Variants in CNTNAP2 observed in about 807,000 individuals in gnomAD.
CNTNAP2 encodes the protein contactin-associated protein-like 2.
Under a neutral mutation model 155.2 loss-of-function variants are expected in CNTNAP2, and 98 were observed. That is an observed-to-expected ratio of 0.63 (90% confidence interval 0.54 to 0.75). CNTNAP2 has a LOEUF of 0.75. Among genes scored for constraint, CNTNAP2 ranks in the 30% least tolerant of loss-of-function variants. The pLI, the probability that CNTNAP2 is intolerant of heterozygous loss-of-function variation, is 0.00. For missense variants in CNTNAP2, 1,727 were observed against 1,688.1 expected, an observed-to-expected ratio of 1.02 and a Z score of -0.40; for synonymous variants, 651 against 631.2, an observed-to-expected ratio of 1.03 and a Z score of -0.47.
intron 1 of CNTNAP2, among the ~76,000 whole-genome samples, chr7:146,524,013 C>G (rs1299864982): frequency 6.6e-6 from 1 of 152,100 alleles, no homozygotes; most frequent in Non-Finnish European, 1.5e-5. Context: ...TCCCAGTAAG[C>G]TAAATTCCAG....
chr7:147,348,922 C>T (rs1457453272), intron 9 of CNTNAP2, among the ~76,000 whole-genome samples: 1 of 151,856 alleles, frequency 6.6e-6, no homozygotes, highest in East Asian at 1.9e-4. Flanking sequence ...CTCATAAGTG[C>T]AAGCTTAAAA....
intron 3 of CNTNAP2, among the ~76,000 whole-genome samples, chr7:146,916,453 C>G (rs1194058068): frequency 6.6e-6 from 1 of 151,996 alleles, no homozygotes; most frequent in Non-Finnish European, 1.5e-5. Context: ...CTATCTGGTC[C>G]TGGACTTTTG....
chr7:146,858,686 T>G (rs1479435832), intron 3 of CNTNAP2, among the ~76,000 whole-genome samples: 4 of 152,138 alleles, frequency 2.6e-5, no homozygotes, highest in Non-Finnish European at 5.9e-5. Context: ...CAGAGTGAGA[T>G]CCTGTCTCAA....
rs746721689 is a variant in CNTNAP2 at position 147,485,971 on chromosome 7, C to T, written c.1707C>T (p.Cys569=). The T allele has an allele frequency of 3.1e-6, 5 of 1,614,068 alleles. No homozygotes were observed. Among genetic ancestry groups the T allele is most frequent in the Non-Finnish European group, 3.4e-6 (4 of 1,179,992 alleles). ...ATCACTGTGAGCATGGTGGAAAGTG[C>T]TCGCAAACATGGGACAGCTTCAAAT... ...VPNHCEHGGK[C]SQTWDSFKCT... The change falls in exon 11 of 24, where the codon TGC becomes TGT. Residue 569 remains cysteine, a synonymous_variant. Transcript: ENST00000361727.
At chr7:146,614,650 G>A (rs1338167362) in intron 1 of CNTNAP2, among the ~76,000 whole-genome samples, 1 of 152,194 alleles carries the variant, frequency 6.6e-6, no homozygotes, top group Non-Finnish European at 1.5e-5. Context: ...TGTTGTGCTT[G>A]CAATCTGTTT....
intron 2 of CNTNAP2, among the ~76,000 whole-genome samples, chr7:146,805,910 C>T (rs971707194): frequency 6.6e-6 from 1 of 152,046 alleles, no homozygotes; most frequent in African/African-American, 2.4e-5. Flanking sequence ...TTTAAAGAAA[C>T]CATAGCTGGC....
In CNTNAP2 at chr7:148,118,254, G is replaced by A. The variant is rs779395215; in HGVS notation, c.2520G>A (p.Met840Ile). The change falls in exon 16 of 24, where the codon ATG (methionine) becomes ATA (isoleucine). Residue 840 changes from methionine (M) to isoleucine (I), a missense_variant. Coordinates refer to ENST00000361727, the MANE Select transcript of CNTNAP2 (RefSeq NM_014141.6). The stretch of plus-strand genomic sequence containing the variant: ...CCTGGGGAGTGTTTCTTGAAAATAT[G>A]GGAAAGGAAGATTTCATCAAGCTGG... ...LTPWGVFLEN[M>I]GKEDFIKLEL... The A allele has an allele frequency of 3.7e-6, 6 of 1,614,098 alleles. No individual in the cohort carries two copies. The Admixed American group carries it at 8.3e-5, about 22-fold the overall frequency.
chr7:147,493,397 T>C (rs1798642672), intron 11 of CNTNAP2, among the ~76,000 whole-genome samples: 1 of 152,158 alleles, frequency 6.6e-6, no homozygotes, highest in South Asian at 2.1e-4. Context: ...CACACCATGA[T>C]CTGTGTCAGA....
Position 146,935,288 on chromosome 7 carries a change from G to T in CNTNAP2, c.402+95384G>T, listed in dbSNP as rs528226647. On this transcript the variant is annotated intron_variant, in intron 3 of 23. Transcript: ENST00000361727. ...CAATAGAAATGAAAAGAGGTCTTCT[G>T]TGTGCACTTACTGGGTATACTTTTA... Among the ~76,000 whole-genome samples, 8 of 152,276 alleles carry T rather than the reference G, an allele frequency of 5.3e-5. No individual in the cohort carries two copies. In the South Asian group the frequency reaches 8.3e-4, roughly 16 times the overall value.
chr7:147,407,864 A>T (rs1467626364), intron 10 of CNTNAP2, among the ~76,000 whole-genome samples: 1 of 152,206 alleles, frequency 6.6e-6, no homozygotes, highest in Non-Finnish European at 1.5e-5. Context: ...GGATGATGAG[A>T]AAGAAAGGCA....
At chr7:147,857,347 C>G (rs1799056583) in intron 13 of CNTNAP2, among the ~76,000 whole-genome samples, 1 of 152,070 alleles carries the variant, frequency 6.6e-6, no homozygotes, top group African/African-American at 2.4e-5. Flanking sequence ...AATGGGTTTT[C>G]TCTGTTCTCC....
At chr7:146,763,229 G>T (rs1436806140) in intron 1 of CNTNAP2, among the ~76,000 whole-genome samples, 2 of 152,084 alleles carry the variant, frequency 1.3e-5, no homozygotes, top group Non-Finnish European at 2.9e-5. Context: ...CCTGCTCCGA[G>T]CCTTTTGACT....
chr7:146,415,537 CTT>C (rs1322476553), intron 1 of CNTNAP2, among the ~76,000 whole-genome samples: 1 of 152,072 alleles, frequency 6.6e-6, no homozygotes, highest in Non-Finnish European at 1.5e-5. Flanking sequence ...TTAATGAACT[CTT>C]TGAAAATTTT....
At chr7:146,460,676 C>T (rs1796623454) in intron 1 of CNTNAP2, among the ~76,000 whole-genome samples, 1 of 152,114 alleles carries the variant, frequency 6.6e-6, no homozygotes. Flanking sequence ...TTTGTGACAA[C>T]ATGAATGAAC....
chr7:146,323,334 A>T (rs1047910945), intron 1 of CNTNAP2, among the ~76,000 whole-genome samples: 1 of 152,100 alleles, frequency 6.6e-6, no homozygotes, highest in African/African-American at 2.4e-5. Context: ...GAATAAAAGA[A>T]AGTAAAATCT....
chr7:146,283,973 C>T (rs1003381198), intron 1 of CNTNAP2, among the ~76,000 whole-genome samples: 4 of 152,156 alleles, frequency 2.6e-5, no homozygotes, highest in Non-Finnish European at 4.4e-5. Context: ...GTTATTTATA[C>T]TCCCAATACA....
intron 15 of CNTNAP2, among the ~76,000 whole-genome samples, chr7:148,104,121 T>C (rs1297203262): frequency 6.6e-6 from 1 of 152,188 alleles, no homozygotes; most frequent in Non-Finnish European, 1.5e-5. Flanking sequence ...CTCTCTTTCT[T>C]TGCACTATGG....
chr7:147,678,541 G>A (rs1409070142), intron 13 of CNTNAP2, among the ~76,000 whole-genome samples: 1 of 151,810 alleles, frequency 6.6e-6, no homozygotes, highest in Non-Finnish European at 1.5e-5. Context: ...TAACTTTCAG[G>A]TAAGGATTCC....
At chr7:146,947,414 A>C (rs60717335) in intron 3 of CNTNAP2, among the ~76,000 whole-genome samples, 31,096 of 124,224 alleles carry the variant, frequency 0.25, 3,968 homozygotes, top group East Asian at 0.44. Context: ...CTCTCTCTAT[A>C]TATATATATA....
Sources: allele counts gnomAD v4.1 joint callset (sites outside exome capture counted in the v4.1 genomes callset), GRCh38; gene constraint gnomAD v4.1.1; transcripts MANE v1.5; gene names NCBI Gene and HGNC (gene_info 2026-07-23, HGNC 2026-07-21).